The following PTP4A3 variants were observed in gnomAD, a reference collection of about 807,000 sequenced individuals.
PTP4A3 encodes protein tyrosine phosphatase type IVA 3.
PTP4A3 carries 9 observed loss-of-function variants against 15.2 expected under a neutral mutation model. The ratio of observed to expected loss-of-function variants is 0.59; its 90% confidence interval spans 0.36 to 1.03. The LOEUF (loss-of-function observed/expected upper bound fraction) is 1.03. PTP4A3 is among the 50% of genes least tolerant of loss of function. The probability of loss-of-function intolerance (pLI) is 0.02; values close to 1 mark genes in which losing one functional copy is unlikely to be tolerated. For synonymous variants in PTP4A3, 95 were observed against 102.0 expected (o/e 0.93, Z 0.41); for missense variants, 234 against 252.1 (o/e 0.93, Z 0.49).
At chr8:141,407,993 CA>C (rs35572820) in intron 1 of PTP4A3, among the ~76,000 whole-genome samples, 52,620 of 152,058 alleles carry the variant, frequency 0.35, 10,526 homozygotes, top group East Asian at 0.59. Flanking sequence ...CCAGGGAAGC[CA>C]AAAGATTGCA....
At chr8:141,429,972 C>G (rs1243384236) in intron 5 of PTP4A3, among the ~76,000 whole-genome samples, 9 of 46,702 alleles carry the variant, frequency 1.9e-4, no homozygotes, top group African/African-American at 3.0e-4. Flanking sequence ...GCACAGCCCA[C>G]GTCCCCGCTG....
intron 1 of PTP4A3, among the ~76,000 whole-genome samples, chr8:141,413,983 T>C (rs1300294054): frequency 6.8e-6 from 1 of 146,948 alleles, no homozygotes; most frequent in Non-Finnish European, 1.5e-5. Context: ...GTGGGCGTCG[T>C]GGGGCTGGAC....
At chr8:141,426,827 G>C in intron 3 of PTP4A3, 112 bp from the exon 4 acceptor site, 1 of 1,478,290 alleles carries the variant, frequency 6.8e-7, no homozygotes, top group South Asian at 1.3e-5. Context: ...CCCCACCCTA[G>C]TGGGCTCCTG....
At chr8:141,427,648 G>A (rs1287451643) in intron 4 of PTP4A3, 102 bp from the exon 5 acceptor site, 7 of 988,850 alleles carry the variant, frequency 7.1e-6, no homozygotes, top group Non-Finnish European at 8.9e-6. Context: ...GGGGGATTCT[G>A]GGCCCCTTGG....
intron 3 of PTP4A3, chr8:141,426,516 T>G: frequency 1.0e-6 from 1 of 985,424 alleles, no homozygotes; most frequent in Non-Finnish European, 1.2e-6. Flanking sequence ...CATCTTTGCA[T>G]GCCAGCACAG....
intron 5 of PTP4A3, 30 bp downstream of exon 5, chr8:141,427,854 T>A: frequency 6.5e-7 from 1 of 1,539,846 alleles, no homozygotes; most frequent in Non-Finnish European, 8.8e-7. Context: ...GGGTGGGCTG[T>A]GAGCGCTGGG....
chr8:141,400,623 A>G (rs1832566962), intron 1 of PTP4A3, among the ~76,000 whole-genome samples: 1 of 152,134 alleles, frequency 6.6e-6, no homozygotes, highest in Non-Finnish European at 1.5e-5. Flanking sequence ...GCGTCTCGGC[A>G]CCGGGGTGAG....
At chr8:141,424,333 G>A (rs1363743800) in intron 2 of PTP4A3, among the ~76,000 whole-genome samples, 1 of 152,182 alleles carries the variant, frequency 6.6e-6, no homozygotes, top group African/African-American at 2.4e-5. Flanking sequence ...CGGCCTGGCT[G>A]TGAACTACCA....
At position 141,425,201 on chromosome 8, in the gene PTP4A3, G is replaced by T; in HGVS notation, c.198+61G>T. The T allele has an allele frequency of 7.1e-7, 1 of 1,406,754 alleles. No individual in the cohort carries two copies. The highest frequency in any genetic ancestry group is 9.9e-7 in the Non-Finnish European group (1 of 1,008,828). 87.1% of individuals were successfully genotyped at this position (1,406,754 alleles called of 1,614,324 possible). A position where few individuals can be genotyped will look rare whatever the true frequency, so the allele number is the denominator to read the frequency against. The stretch of plus-strand genomic sequence containing the variant: ...GCCACCGGGGGAGGGTGGGGCGGGG[G>T]GCTCCGGGCCTGCGCAGAGGGTTTG... On this transcript the variant is annotated intron_variant, in intron 3 of 5. Coordinates refer to ENST00000521578, the MANE Select transcript of PTP4A3 (RefSeq NM_032611.3). This position sits in a 1 kb window ranked among gnomAD's most constrained non-coding sequence, Gnocchi z 4.2.
chr8:141,402,949 G>C (rs552549877), intron 1 of PTP4A3, among the ~76,000 whole-genome samples: 1 of 152,148 alleles, frequency 6.6e-6, no homozygotes, highest in South Asian at 2.1e-4. Context: ...CCAGCGGGCC[G>C]GTCCAGAGCA....
rs76201264 is a variant in PTP4A3 at position 141,405,508 on chromosome 8, G to A, written c.-854+13424G>A. Among the ~76,000 whole-genome samples, 287 of 152,334 alleles carry A rather than the reference G, an allele frequency of 1.9e-3. 1 individual carries two copies. Among genetic ancestry groups the A allele is most frequent in the African/African-American group, 6.5e-3 (272 of 41,584 alleles). ...TGGGTGAGAAGGAATGGCTGCGGGC[G>A]GGTCTTCCTTTCTTCATCCTCAGCA... On this transcript the variant is annotated intron_variant, in intron 1 of 5. Transcript: ENST00000521578.
chr8:141,392,647 C>T (rs1832319844), intron 1 of PTP4A3: 1 of 152,342 alleles, frequency 6.6e-6, no homozygotes, highest in African/African-American at 2.4e-5. Context: ...CCTCCAAGCA[C>T]ACCCCGGTAG....
chr8:141,423,925 C>T (rs571479009), intron 2 of PTP4A3, among the ~76,000 whole-genome samples: 17 of 151,114 alleles, frequency 1.1e-4, no homozygotes, highest in Admixed American at 6.6e-4. Flanking sequence ...GTTGGGGGCT[C>T]AGCACGTGAT....
At chr8:141,402,963 A>G (rs1224519537) in intron 1 of PTP4A3, among the ~76,000 whole-genome samples, 3 of 152,088 alleles carry the variant, frequency 2.0e-5, no homozygotes, top group Non-Finnish European at 2.9e-5. Context: ...CAGAGCAGGA[A>G]TAGATGTCTC....
Position 141,431,211 on chromosome 8 carries a change from G to A in PTP4A3, c.*167G>A. The A allele has an allele frequency of 1.1e-5, 7 of 649,162 alleles. No homozygotes were observed. The highest frequency in any genetic ancestry group is 5.5e-5 in the East Asian group (2 of 36,172). The allele number at this position is 649,162 out of a possible 1,614,324, so 40.2% of individuals were successfully genotyped here. Reference sequence around the variant, plus strand: ...CTCCGTGCACTTGTGTCCGAGGAGCGAGGAGCCCCTCGGGCCCTGGGTGGC... The same window carrying A: ...CTCCGTGCACTTGTGTCCGAGGAGCAAGGAGCCCCTCGGGCCCTGGGTGGC... On this transcript the variant is annotated 3_prime_UTR_variant, in exon 6 of 6. Transcript: ENST00000521578.
intron 1 of PTP4A3, among the ~76,000 whole-genome samples, chr8:141,412,628 A>G (rs548588749): frequency 1.3e-5 from 2 of 152,204 alleles, no homozygotes; most frequent in Non-Finnish European, 2.9e-5. Flanking sequence ...CCAGGCAGGC[A>G]CATGGAATTC....
chr8:141,416,311 C>T (rs905226693), intron 1 of PTP4A3, among the ~76,000 whole-genome samples: 3 of 152,042 alleles, frequency 2.0e-5, no homozygotes, highest in African/African-American at 7.2e-5. Flanking sequence ...AGACCCAGCT[C>T]CAAATGTGGT....
chr8:141,429,116 C>T (rs1387042387), intron 5 of PTP4A3, among the ~76,000 whole-genome samples: 1 of 152,254 alleles, frequency 6.6e-6, no homozygotes, highest in Non-Finnish European at 1.5e-5. Context: ...ACAGCACGGG[C>T]GTTTCTTGCC....
intron 1 of PTP4A3, among the ~76,000 whole-genome samples, chr8:141,403,755 C>T (rs1446973781): frequency 6.6e-6 from 1 of 152,236 alleles, no homozygotes; most frequent in African/African-American, 2.4e-5. Context: ...TGAGTGGTAA[C>T]GGAACACACA....
Sources: gnomAD v4.1 joint callset for allele counts (sites outside exome capture counted in the v4.1 genomes callset) on GRCh38, gnomAD v4.1.1 for gene constraint, Gnocchi (gnomAD v3.1) non-coding constraint, MANE v1.5 for transcripts, NCBI Gene and HGNC (gene_info 2026-07-23, HGNC 2026-07-21) for gene names.